Variants in ATP10B observed in about 807,000 individuals in gnomAD.
ATP10B encodes the protein ATPase phospholipid transporting 10B (putative).
In ATP10B, 122 loss-of-function variants were observed where a neutral mutation model predicts 141.2. The ratio of observed to expected loss-of-function variants is 0.86; its 90% CI spans 0.75 to 1.00. The LOEUF is 1.00. Among genes scored for constraint, ATP10B ranks in the 50% least tolerant of loss-of-function variants. The pLI is 0.00. For synonymous variants in ATP10B, 685 were observed against 692.0 expected (o/e 0.99, Z 0.16); for missense variants, 1,876 against 1,825.3 (o/e 1.03, Z -0.51).
At chr5:160,691,875 C>T (rs940248936) in intron 3 of ATP10B, 2 of 152,176 alleles carry the variant, frequency 1.3e-5, no homozygotes, top group African/African-American at 4.8e-5. Flanking sequence ...CAAAAGCAAC[C>T]TTATAACATT....
intron 2 of ATP10B, among the ~76,000 whole-genome samples, chr5:160,732,889 C>T (rs1766840702): frequency 6.6e-6 from 1 of 152,112 alleles, no homozygotes; most frequent in Non-Finnish European, 1.5e-5. Context: ...GTTGCCCGTG[C>T]TACGGTGCAG....
At chr5:160,912,026 A>G in the ATP10B span, among the ~76,000 whole-genome samples, 5 of 152,140 alleles carry the variant, frequency 3.3e-5, no homozygotes, top group East Asian at 9.7e-4. Flanking sequence ...AAGTAAAACC[A>G]CTACTAAGGA....
intron 2 of ATP10B, among the ~76,000 whole-genome samples, chr5:160,733,984 T>C (rs2127797992): frequency 6.6e-6 from 1 of 151,090 alleles, no homozygotes. Flanking sequence ...GGTGCATGCC[T>C]GTAGTCCCAG....
At chr5:160,809,519 C>G (rs975542675) in intron 1 of ATP10B, among the ~76,000 whole-genome samples, 1 of 152,126 alleles carries the variant, frequency 6.6e-6, no homozygotes, top group Non-Finnish European at 1.5e-5. Flanking sequence ...TCATCTCAAA[C>G]ATTTATCATT....
rs1405331138 is a variant in ATP10B, at chr5:160,644,125, C to T, written c.868+13G>A. 1.9e-6 allele frequency: 3 copies of T among 1,608,924 alleles called. No homozygotes were observed. The highest frequency in any genetic ancestry group is 1.7e-6 in the Non-Finnish European group (2 of 1,175,586). On this transcript the variant is annotated intron_variant, in intron 9 of 25. Transcript: ENST00000327245. ...AGGAAAATTCAGACAAAAGAAACTACCCAGACAATGACCTGCATAGATGAC... is the reference window on the plus strand; with the variant it reads ...AGGAAAATTCAGACAAAAGAAACTATCCAGACAATGACCTGCATAGATGAC...
At chr5:160,665,766 G>T (rs1407716426) in intron 7 of ATP10B, among the ~76,000 whole-genome samples, 2 of 152,164 alleles carry the variant, frequency 1.3e-5, no homozygotes, top group Non-Finnish European at 2.9e-5. Context: ...TCATCCAGAA[G>T]ATGGTAAAAA....
intron 8 of ATP10B, among the ~76,000 whole-genome samples, chr5:160,644,763 G>A (rs1760153533): frequency 6.6e-6 from 1 of 152,136 alleles, no homozygotes; most frequent in South Asian, 2.1e-4. Flanking sequence ...GCCTGTCCCA[G>A]GAAACTCATG....
intron 19 of ATP10B, among the ~76,000 whole-genome samples, chr5:160,604,281 GCA>G (rs1757257368): frequency 6.6e-6 from 1 of 151,970 alleles, no homozygotes; most frequent in South Asian, 2.1e-4. Flanking sequence ...TTTTTTCTAG[GCA>G]CAGTGTTAGG....
chr5:160,795,485 G>T (rs1373410415), intron 1 of ATP10B, among the ~76,000 whole-genome samples: 2 of 151,954 alleles, frequency 1.3e-5, no homozygotes, highest in Non-Finnish European at 2.9e-5. Flanking sequence ...ACTCATTTCT[G>T]AGCTCCAGGA....
At chr5:160,583,348 G>T (rs920497076) in intron 24 of ATP10B, among the ~76,000 whole-genome samples, 1 of 152,142 alleles carries the variant, frequency 6.6e-6, no homozygotes. Context: ...GTCTGCTGGA[G>T]TTTGCTGGAG....
At chr5:160,799,016 A>T (rs529111711) in intron 1 of ATP10B, among the ~76,000 whole-genome samples, 27 of 152,162 alleles carry the variant, frequency 1.8e-4, no homozygotes, top group Admixed American at 6.5e-4. Context: ...TTCCCAAAGT[A>T]CTGGGATTAC....
At chr5:160,573,748 G>A (rs546842897) in intron 24 of ATP10B, among the ~76,000 whole-genome samples, 55 of 152,206 alleles carry the variant, frequency 3.6e-4, no homozygotes, top group South Asian at 3.1e-3. Flanking sequence ...ATTGTCTTCT[G>A]TGGTCCCTGG....
intron 1 of ATP10B, among the ~76,000 whole-genome samples, chr5:160,793,641 A>G (rs1771747943): frequency 6.6e-6 from 1 of 152,162 alleles, no homozygotes; most frequent in South Asian, 2.1e-4. Context: ...TTGTTTAGAA[A>G]CTTAGTGTAG....
At chr5:160,755,440 T>A (rs1012076531) in intron 2 of ATP10B, among the ~76,000 whole-genome samples, 6 of 152,298 alleles carry the variant, frequency 3.9e-5, no homozygotes, top group Admixed American at 3.9e-4. Flanking sequence ...CTAGATAGTA[T>A]AGCCTATTAC....
chr5:160,808,727 C>G (rs1026257203), intron 1 of ATP10B, among the ~76,000 whole-genome samples: 2 of 152,138 alleles, frequency 1.3e-5, no homozygotes, highest in African/African-American at 4.8e-5. Context: ...GGCAGATCCT[C>G]CATTGTTCTC....
rs114700693 is a variant in ATP10B, at chr5:160,727,043, A to G, written c.-330-10009T>C. ...GATGTCTCAGCTCTCCCAAAAATGT[A>G]TAAAACCAAGCTGTGCCCTGACCAC... On this transcript the variant is annotated intron_variant, in intron 2 of 25. Transcript: ENST00000327245. Among the ~76,000 whole-genome samples, 708 of 152,306 alleles carry G rather than the reference A, an allele frequency of 4.6e-3. 4 individuals carry two copies. The highest frequency in any genetic ancestry group is 0.016 in the African/African-American group (676 of 41,558).
chr5:160,765,158 T>C (rs1769311436), intron 2 of ATP10B, among the ~76,000 whole-genome samples: 1 of 152,104 alleles, frequency 6.6e-6, no homozygotes, highest in Non-Finnish European at 1.5e-5. Flanking sequence ...AAAAGCAATC[T>C]ACAGATTCAA....
At chr5:160,592,367 G>A (rs1021988610) in intron 22 of ATP10B, among the ~76,000 whole-genome samples, 1 of 152,156 alleles carries the variant, frequency 6.6e-6, no homozygotes, top group Admixed American at 6.5e-5. Context: ...CTTCTGCATG[G>A]CTCTTCCCCT....
intron 22 of ATP10B, among the ~76,000 whole-genome samples, chr5:160,591,587 C>G (rs779070719): frequency 2.0e-5 from 3 of 151,974 alleles, no homozygotes; most frequent in African/African-American, 7.3e-5. Context: ...AGATCTCAAT[C>G]GTAGCTCGAA....
Sources: allele counts gnomAD v4.1 joint callset (sites outside exome capture counted in the v4.1 genomes callset), GRCh38; gene constraint gnomAD v4.1.1; transcripts MANE v1.5; gene names NCBI Gene and HGNC (gene_info 2026-07-23, HGNC 2026-07-21).